PEG3: variants seen among roughly 807,000 people sequenced by gnomAD.
The protein encoded by PEG3 is paternally expressed 3, also known as paternally-expressed gene 3 protein.
Under a neutral mutation model 35.5 loss-of-function variants are expected in PEG3, and 23 were observed. That is an observed-to-expected ratio of 0.65 (90% CI 0.47 to 0.92). PEG3 has a LOEUF of 0.92. PEG3 is among the 40% of genes least tolerant of loss of function. The probability of loss-of-function intolerance (pLI) is 0.00; values close to 1 mark genes in which losing one functional copy is unlikely to be tolerated. For synonymous variants in PEG3, 707 were observed against 697.0 expected (o/e 1.01, Z -0.23); for missense variants, 1,960 against 1,985.3 (o/e 0.99, Z 0.24).
chr19:56,813,921 G>A lies in PEG3; in HGVS notation c.4521C>T (p.Cys1507=), dbSNP rs750023508. ...AAGTGAAGGTTTCTGTGCATTCATG[G>A]CAGTCATAGTATGGTTCTTCTACCT... ...EIQVEEPYYD[C]HECTETFTSS... Residue 1507 remains cysteine (C), a synonymous_variant, in exon 10 of 10, where the codon TGC becomes TGT. Coordinates refer to ENST00000326441, the MANE Select transcript of PEG3 (RefSeq NM_006210.3). The A allele has an allele frequency of 1.2e-6, 2 of 1,613,990 alleles. No homozygotes were observed. Among genetic ancestry groups the A allele is most frequent in the Admixed American group, 3.3e-5 (2 of 60,004 alleles).
chr19:56,827,812 C>T (rs755644083), intron 2 of PEG3, among the ~76,000 whole-genome samples: 3 of 151,938 alleles, frequency 2.0e-5, no homozygotes, highest in Non-Finnish European at 2.9e-5. Flanking sequence ...AGTGCAAAAC[C>T]GGACACAGCA....
chr19:56,839,572 T>C (rs2062719945), intron 1 of PEG3, among the ~76,000 whole-genome samples: 1 of 148,926 alleles, frequency 6.7e-6, no homozygotes, highest in Admixed American at 6.7e-5. Context: ...GGGGCCTGAG[T>C]GGATAGTTAC....
chr19:56,816,204 GTCC>G lies in PEG3; in HGVS notation c.2235_2237del (p.Glu745del). 1 of 1,614,066 alleles carries G rather than the reference GTCC, an allele frequency of 6.2e-7. No homozygotes were observed. Among genetic ancestry groups the G allele is most frequent in the Non-Finnish European group, 8.5e-7 (1 of 1,179,978 alleles). Reference sequence around the variant, plus strand: ...TAGAGCTAATGGTGAACGCCTTTTCGTCCTCATCACTTTCAAGAGGTCTTGTTA... The same window carrying G: ...TAGAGCTAATGGTGAACGCCTTTTCGTCATCACTTTCAAGAGGTCTTGTTA... On this transcript the variant is annotated inframe_deletion, in exon 10 of 10. Coordinates refer to ENST00000326441, the MANE Select transcript of PEG3 (RefSeq NM_006210.3).
intron 2 of PEG3, among the ~76,000 whole-genome samples, chr19:56,830,062 G>A (rs563501861): frequency 2.4e-4 from 36 of 152,304 alleles, no homozygotes; most frequent in Admixed American, 5.9e-4. Context: ...CAATAAAAAC[G>A]TAGCTTATTA....
chr19:56,839,805 A>G (rs2062763092), intron 1 of PEG3, among the ~76,000 whole-genome samples: 1 of 151,238 alleles, frequency 6.6e-6, no homozygotes, highest in Non-Finnish European at 1.5e-5. Context: ...CACCCTCATA[A>G]AAGATGGCAC....
rs764482053 is a variant in PEG3, at chr19:56,824,266, T to A, written c.390A>T (p.Pro130=). The change falls in exon 4 of 10, where the codon CCA becomes CCT. Residue 130 remains proline (P), a synonymous_variant. Transcript: ENST00000326441. ...ACACCCCGTGGAGACTCTCACCTTC[T>A]GGTTGGTACATCTCCTTGTAATTCT... is the stretch of plus-strand genomic sequence containing the variant. ...LLENYKEMYQ[P]EDDNNSDVTS... 2 of 1,613,226 alleles carry A rather than the reference T, an allele frequency of 1.2e-6. No individual in the cohort carries two copies. The highest frequency in any genetic ancestry group is 8.5e-7 in the Non-Finnish European group (1 of 1,179,544).
rs1355258402 is a variant in PEG3, at chr19:56,813,851, T to C, written c.4591A>G (p.Ile1531Val). 2.5e-6 allele frequency: 4 copies of C among 1,614,214 alleles called. No individual in the cohort carries two copies. In the Admixed American group the frequency reaches 5.0e-5, roughly 20 times the overall value. Residue 1531 changes from isoleucine to valine, a missense_variant, in exon 10 of 10, where the codon ATC becomes GTC. Coordinates refer to ENST00000326441, the MANE Select transcript of PEG3 (RefSeq NM_006210.3). ...SEHLKTHASM[I>V]IFEPANAFGE... ...AAGGCATTTGCAGGCTCAAATATGA[T>C]CATGCTGGCATGAGTTTTCAGGTGT...
chr19:56,816,812 A>C lies in PEG3; in HGVS notation c.1630T>G (p.Phe544Val). The C allele has an allele frequency of 6.2e-7, 1 of 1,614,160 alleles. No homozygotes were observed. The highest frequency in any genetic ancestry group is 8.5e-7 in the Non-Finnish European group (1 of 1,180,016). ...ECKNQECEEA[F>V]MPSPTFSELQ... ...TCACTAAAGGTGGGGCTAGGCATGA[A>C]GGCTTCCTCACATTCCTGATTCTTA... Residue 544 changes from phenylalanine to valine, a missense_variant, in exon 10 of 10, where the codon TTC becomes GTC. Around this residue, in one of 5 missense-constraint regions of PEG3, gnomAD observed 798 missense variants for 782.4 expected, o/e 1.02. Transcript: ENST00000326441.
At position 56,812,050 on chromosome 19, in the gene PEG3, A is replaced by T; in HGVS notation, c.*1625T>A. The T allele has an allele frequency of 1.0e-6, 1 of 983,948 alleles. No homozygotes were observed. Among genetic ancestry groups the T allele is most frequent in the Non-Finnish European group, 1.2e-6 (1 of 828,696 alleles). The allele number at this position is 983,948 out of a possible 1,614,324, so 61.0% of individuals were successfully genotyped here. On this transcript the variant is annotated 3_prime_UTR_variant, in exon 10 of 10. Transcript: ENST00000326441. ...ATCCAGAAGAGTAAGATTCAGACACATTTCCCCCAGTGGGTACTTTAATTT... is the reference window on the plus strand; with the variant it reads ...ATCCAGAAGAGTAAGATTCAGACACTTTTCCCCCAGTGGGTACTTTAATTT...
At chr19:56,822,573 C>G (rs2060604034) in intron 6 of PEG3, 180 bp downstream of exon 6, 3 of 710,192 alleles carry the variant, frequency 4.2e-6, no homozygotes, top group Non-Finnish European at 6.9e-6. Context: ...GTGGTGAAAC[C>G]TGTGCTGGTG....
chr19:56,825,701 T>C (rs1281757614), intron 3 of PEG3, among the ~76,000 whole-genome samples: 1 of 152,178 alleles, frequency 6.6e-6, no homozygotes, highest in Admixed American at 6.5e-5. Context: ...GAAAGAAATC[T>C]AGGTCTGGGA....
intron 2 of PEG3, among the ~76,000 whole-genome samples, chr19:56,831,966 T>A (rs1361855509): frequency 6.6e-6 from 1 of 152,212 alleles, no homozygotes; most frequent in Non-Finnish European, 1.5e-5. Flanking sequence ...AACTGTTTAA[T>A]AAATGGCATG....
At chr19:56,837,778 C>A (rs2062343564) in intron 1 of PEG3, among the ~76,000 whole-genome samples, 1 of 152,264 alleles carries the variant, frequency 6.6e-6, no homozygotes, top group South Asian at 2.1e-4. Context: ...CCCCCTCCAA[C>A]AGCCCTGCTG....
chr19:56,810,697 C>T lies in PEG3; in HGVS notation c.*2978G>A, dbSNP rs189588919. On this transcript the variant is annotated 3_prime_UTR_variant, in exon 10 of 10. Coordinates refer to ENST00000326441, the MANE Select transcript of PEG3 (RefSeq NM_006210.3). ...ACAACACTATTTTAGTTATTTTCCA[C>T]ATCTTTTCATTTAAGACTTTATGCA... is the stretch of plus-strand genomic sequence containing the variant. 2.1e-4 allele frequency: 202 copies of T among 982,160 alleles called. 1 individual carries two copies. The South Asian group carries it at 3.9e-3, about 19-fold the overall frequency. 60.8% of individuals were successfully genotyped at this position (982,160 alleles called of 1,614,324 possible). A position where few individuals can be genotyped will look rare whatever the true frequency, so the allele number is the denominator to read the frequency against.
chr19:56,816,205 T>G lies in PEG3; in HGVS notation c.2237A>C (p.Asp746Ala), dbSNP rs1344280636. The G allele has an allele frequency of 1.9e-6, 3 of 1,614,114 alleles. No individual in the cohort carries two copies. The African/African-American group carries it at 4.0e-5, about 22-fold the overall frequency. Residue 746 changes from aspartate to alanine, a missense_variant, in exon 10 of 10, where the codon GAC (aspartate) becomes GCC (alanine). By Grantham distance (126) the Asp-to-Ala change is moderately radical (BLOSUM62 -2). This residue lies in a region of PEG3 where 798 missense variants were observed against 782.4 expected (regional missense o/e 1.02). Coordinates refer to ENST00000326441, the MANE Select transcript of PEG3 (RefSeq NM_006210.3). ...TITRPLESDEDEKAFTISSNP... is the reference protein window; with the variant it reads ...TITRPLESDEAEKAFTISSNP... The stretch of plus-strand genomic sequence containing the variant: ...AGAGCTAATGGTGAACGCCTTTTCG[T>G]CCTCATCACTTTCAAGAGGTCTTGT...
Position 56,815,385 on chromosome 19 carries a change from G to GT in PEG3, c.3056dup (p.Tyr1019Ter). 1.2e-6 allele frequency: 2 copies of GT among 1,614,158 alleles called. No individual in the cohort carries two copies. Among genetic ancestry groups the GT allele is most frequent in the Non-Finnish European group, 1.7e-6 (2 of 1,180,016 alleles). The change falls in exon 10 of 10, where the codon TAC becomes TAAC. Residue 1019 changes from tyrosine (Y) to a stop codon, truncating the protein, a stop_gained and frameshift_variant. Transcript: ENST00000326441. LOFTEE classifies it low-confidence loss of function (END_TRUNC). The part of the protein sequence containing the change: ...SLAPTDPQTS[Y>*]AQEQYAKEQA... ...GCTCTTTAGCATACTGCTCTTGGGC[G>GT]TAACTTGTTTGAGGGTCAGTAGGGG...
chr19:56,838,805 C>T (rs2062544065), intron 1 of PEG3, among the ~76,000 whole-genome samples: 4 of 152,232 alleles, frequency 2.6e-5, no homozygotes, highest in Admixed American at 2.6e-4. Flanking sequence ...CACTCCACAG[C>T]TTTCCATCAC....
At position 56,813,739 on chromosome 19, in the gene PEG3, A is replaced by G. The variant is rs1335972602; in HGVS notation, c.4703T>C (p.Val1568Ala). ...QADEKYFKCD[V>A]CGQLFNDRLS... is the part of the protein sequence containing the mutation. The stretch of plus-strand genomic sequence containing the variant: ...GCGGTCATTGAAGAGCTGCCCACAG[A>G]CGTCACATTTGAAGTACTTCTCATC... Residue 1568 changes from valine (V) to alanine (A), a missense_variant, in exon 10 of 10, where the codon GTC becomes GCC. By Grantham distance (64) the Val-to-Ala change is moderately conservative. Transcript: ENST00000326441. The G allele has an allele frequency of 6.2e-7, 1 of 1,613,990 alleles. No homozygotes were observed. The highest frequency in any genetic ancestry group is 1.3e-5 in the African/African-American group (1 of 74,922).
intron 2 of PEG3, among the ~76,000 whole-genome samples, chr19:56,828,340 C>T (rs911832751): frequency 2.6e-5 from 4 of 152,136 alleles, no homozygotes; most frequent in African/African-American, 9.7e-5. Flanking sequence ...TGAATATACC[C>T]CTCAATTACA....
Sources: allele counts gnomAD v4.1 joint callset (sites outside exome capture counted in the v4.1 genomes callset), GRCh38; gene constraint gnomAD v4.1.1; regional missense constraint gnomAD v4.1.1; transcripts MANE v1.5; gene names NCBI Gene and HGNC (gene_info 2026-07-23, HGNC 2026-07-21).